The following MAD2L1 variants were observed in gnomAD, a reference collection of about 807,000 sequenced individuals.
The protein encoded by MAD2L1 is mitotic arrest deficient 2 like 1.
Under a neutral mutation model 25.9 loss-of-function variants are expected in MAD2L1, and 10 were observed. The observed-to-expected ratio is 0.39, with a 90% CI of 0.24 to 0.66. The LOEUF is 0.66. Ranked by LOEUF, MAD2L1 falls within the 30% of genes least tolerant of loss-of-function variation. The probability of loss-of-function intolerance (pLI) is 0.49; values close to 1 mark genes in which losing one functional copy is unlikely to be tolerated. For synonymous variants in MAD2L1, 81 were observed against 91.8 expected (o/e 0.88, Z 0.67); for missense variants, 180 against 246.4 (o/e 0.73, Z 1.80).
rs1457425124 is a variant in MAD2L1 at position 120,058,347 on chromosome 4, T to C, written c.*1771A>G. ...TACACACAACCTTTAAAAATGTGAT[T>C]TCAGCCGGGCGCAGTGGCTCACGCC... is the stretch of plus-strand genomic sequence containing the variant. On this transcript the variant is annotated 3_prime_UTR_variant, in exon 5 of 5. Transcript: ENST00000296509. The C allele has an allele frequency of 1.3e-5, 2 of 152,158 alleles. No individual in the cohort carries two copies. Among genetic ancestry groups the C allele is most frequent in the Admixed American group, 1.3e-4 (2 of 15,270 alleles). The allele number at this position is 152,158 out of a possible 1,614,324, so 9.4% of individuals were successfully genotyped here.
chr4:120,059,984 G>A lies in MAD2L1; in HGVS notation c.*134C>T, dbSNP rs1726182661. The stretch of plus-strand genomic sequence containing the variant: ...AAAATAAAAGGAACAATTACACACA[G>A]TTCAGTAAGTATCATTTTGGTTTTC... On this transcript the variant is annotated 3_prime_UTR_variant, in exon 5 of 5. Coordinates refer to ENST00000296509, the MANE Select transcript of MAD2L1 (RefSeq NM_002358.4). 1 of 709,502 alleles carries A rather than the reference G, an allele frequency of 1.4e-6. No individual in the cohort carries two copies. The highest frequency in any genetic ancestry group is 2.1e-5 in the South Asian group (1 of 47,726). The allele number at this position is 709,502 out of a possible 1,614,324, so 44.0% of individuals were successfully genotyped here.
intron 1 of MAD2L1, among the ~76,000 whole-genome samples, chr4:120,066,163 T>C (rs1726312246): frequency 6.6e-6 from 1 of 152,076 alleles, no homozygotes; most frequent in South Asian, 2.1e-4. Context: ...AGCAACTGAC[T>C]GAATAGTCAC....
chr4:120,060,368 A>G (rs1459488744), intron 4 of MAD2L1, 78 bp from the exon 5 acceptor site: 2 of 1,187,730 alleles, frequency 1.7e-6, no homozygotes, highest in Admixed American at 4.8e-5. Flanking sequence ...TTCTATTTTG[A>G]ACCACTCACT....
rs970277717 is a variant in MAD2L1, at chr4:120,059,315, T to C, written c.*803A>G. On this transcript the variant is annotated 3_prime_UTR_variant, in exon 5 of 5. Transcript: ENST00000296509. ...AAGACACCTCAAGACTCACTCAACTTTGGACCCTTAAGTTCTATAACTTCG... is the reference window on the plus strand; with the variant it reads ...AAGACACCTCAAGACTCACTCAACTCTGGACCCTTAAGTTCTATAACTTCG... 2.0e-5 allele frequency: 3 copies of C among 152,170 alleles called. No homozygotes were observed. Among genetic ancestry groups the C allele is most frequent in the African/African-American group, 7.2e-5 (3 of 41,448 alleles). 9.4% of individuals were successfully genotyped at this position (152,170 alleles called of 1,614,324 possible). A position where few individuals can be genotyped will look rare whatever the true frequency, so the allele number is the denominator to read the frequency against.
rs763573821 is a variant in MAD2L1 at position 120,056,438 on chromosome 4, G to A, written c.*3680C>T. ...TCTTAATTTGAATATTACAGCATTA[G>A]TGACATCTGGTGGAAAATATAAGAG... On this transcript the variant is annotated 3_prime_UTR_variant, in exon 5 of 5. Transcript: ENST00000296509. The A allele has an allele frequency of 1.4e-4, 22 of 152,138 alleles. No homozygotes were observed. Among genetic ancestry groups the A allele is most frequent in the African/African-American group, 4.6e-4 (19 of 41,424 alleles). 9.4% of individuals were successfully genotyped at this position (152,138 alleles called of 1,614,324 possible). A position where few individuals can be genotyped will look rare whatever the true frequency, so the allele number is the denominator to read the frequency against.
rs745994403 is a variant in MAD2L1, at chr4:120,065,761, G to A, written c.131C>T (p.Thr44Ile). Residue 44 changes from threonine to isoleucine, a missense_variant, in exon 2 of 5, where the codon ACT becomes ATT. Thr to Ile is a moderately conservative substitution (Grantham distance 89). Transcript: ENST00000296509. ...GGTGAGTCCGTATTTCTGCACTCGA[G>A]TAAAGGTTTCAGATGGATATATGCC... ...QRGIYPSETF[T>I]RVQKYGLTLL... is the part of the protein sequence containing the mutation. The A allele has an allele frequency of 3.1e-6, 5 of 1,613,956 alleles. No individual in the cohort carries two copies. The highest frequency in any genetic ancestry group is 4.2e-6 in the Non-Finnish European group (5 of 1,179,928).
At chr4:120,060,401 G>C (rs936978978) in intron 4 of MAD2L1, 111 bp from the exon 5 acceptor site, 14 of 752,562 alleles carry the variant, frequency 1.9e-5, no homozygotes, top group Middle Eastern at 7.8e-4. Flanking sequence ...CATTTGGCTT[G>C]GTCTCCAATC....
chr4:120,061,477 A>G (rs899110542), intron 3 of MAD2L1, among the ~76,000 whole-genome samples: 5 of 152,180 alleles, frequency 3.3e-5, no homozygotes, highest in Non-Finnish European at 4.4e-5. Flanking sequence ...ACATTTCACT[A>G]TAAGAAATGG....
intron 3 of MAD2L1, among the ~76,000 whole-genome samples, 163 bp downstream of exon 3, chr4:120,061,812 C>T (rs534979930): frequency 2.6e-5 from 4 of 151,888 alleles, no homozygotes; most frequent in Admixed American, 1.3e-4. Flanking sequence ...AAACTGAGCA[C>T]AATTCTTTTC....
chr4:120,065,203 T>C (rs930469235), intron 2 of MAD2L1, among the ~76,000 whole-genome samples: 65 of 152,358 alleles, frequency 4.3e-4, no homozygotes, highest in African/African-American at 1.1e-3. Flanking sequence ...TGTTATTTAG[T>C]AGCTAATCTT....
intron 2 of MAD2L1, among the ~76,000 whole-genome samples, chr4:120,063,768 T>C (rs1374490307): frequency 2.6e-5 from 4 of 152,080 alleles, no homozygotes; most frequent in African/African-American, 9.7e-5. Flanking sequence ...TCCCAGCACT[T>C]TGGGAGGCAG....
In MAD2L1 at chr4:120,059,987, CAGTA is replaced by C. The variant is rs1451648972; in HGVS notation, c.*127_*130del. Reference sequence around the variant, plus strand: ...ATAAAAGGAACAATTACACACAGTTCAGTAAGTATCATTTTGGTTTTCTCCATGT... The same window carrying C: ...ATAAAAGGAACAATTACACACAGTTCAGTATCATTTTGGTTTTCTCCATGT... On this transcript the variant is annotated 3_prime_UTR_variant, in exon 5 of 5. Coordinates refer to ENST00000296509, the MANE Select transcript of MAD2L1 (RefSeq NM_002358.4). 2.8e-6 allele frequency: 2 copies of C among 716,952 alleles called. No individual in the cohort carries two copies. Among genetic ancestry groups the C allele is most frequent in the Non-Finnish European group, 4.6e-6 (2 of 436,616 alleles). 44.4% of individuals were successfully genotyped at this position (716,952 alleles called of 1,614,324 possible). A position where few individuals can be genotyped will look rare whatever the true frequency, so the allele number is the denominator to read the frequency against.
At chr4:120,061,400 T>C (rs1362901599) in intron 3 of MAD2L1, among the ~76,000 whole-genome samples, 1 of 152,208 alleles carries the variant, frequency 6.6e-6, no homozygotes, top group Non-Finnish European at 1.5e-5. Flanking sequence ...AAACATTAAA[T>C]TGTATATCAA....
chr4:120,060,794 T>G (rs746142745), intron 4 of MAD2L1, 80 bp downstream of exon 4: 41 of 825,424 alleles, frequency 5.0e-5, no homozygotes, highest in Non-Finnish European at 7.3e-5. Context: ...AAGACAAAAT[T>G]TAATAAAGGG....
chr4:120,057,736 G>A lies in MAD2L1; in HGVS notation c.*2382C>T, dbSNP rs1051148645. On this transcript the variant is annotated 3_prime_UTR_variant, in exon 5 of 5. Transcript: ENST00000296509. ...TTTAAACATCATCCTCCTGAGGTAA[G>A]CCTCAAGGTCTAGAAAGAGGATGGG... The A allele has an allele frequency of 2.0e-5, 3 of 152,260 alleles. No homozygotes were observed. The highest frequency in any genetic ancestry group is 4.4e-5 in the Non-Finnish European group (3 of 68,082). The allele number at this position is 152,260 out of a possible 1,614,324, so 9.4% of individuals were successfully genotyped here.
At chr4:120,062,513 A>G (rs528046039) in intron 2 of MAD2L1, among the ~76,000 whole-genome samples, 1 of 152,324 alleles carries the variant, frequency 6.6e-6, no homozygotes, top group South Asian at 2.1e-4. Flanking sequence ...AGCTCTAGGG[A>G]TAAACAGCAT....
intron 3 of MAD2L1, 60 bp downstream of exon 3, chr4:120,061,915 A>G: frequency 7.6e-7 from 1 of 1,317,970 alleles, no homozygotes; most frequent in South Asian, 1.5e-5. Context: ...CTCAATTAGT[A>G]ATAAAAACAA....
At position 120,057,127 on chromosome 4, in the gene MAD2L1, CATTT is replaced by C. The variant is rs1320452018; in HGVS notation, c.*2987_*2990del. On this transcript the variant is annotated 3_prime_UTR_variant, in exon 5 of 5. Coordinates refer to ENST00000296509, the MANE Select transcript of MAD2L1 (RefSeq NM_002358.4). ...TTATTGGAACACACTCACGCTCATTCATTTATGTATTGTCTATAGCTGCTTTCAG... is the reference window on the plus strand; with the variant it reads ...TTATTGGAACACACTCACGCTCATTCATGTATTGTCTATAGCTGCTTTCAG... 1 of 152,218 alleles carries C rather than the reference CATTT, an allele frequency of 6.6e-6. No homozygotes were observed. The highest frequency in any genetic ancestry group is 1.5e-5 in the Non-Finnish European group (1 of 68,040). 9.4% of individuals were successfully genotyped at this position (152,218 alleles called of 1,614,324 possible).
chr4:120,062,525 A>G (rs548181691), intron 2 of MAD2L1, among the ~76,000 whole-genome samples: 6 of 152,360 alleles, frequency 3.9e-5, no homozygotes, highest in Admixed American at 2.0e-4. Flanking sequence ...AAACAGCATT[A>G]AATATGCAAA....
Sources: gnomAD v4.1 joint callset for allele counts (sites outside exome capture counted in the v4.1 genomes callset) on GRCh38, gnomAD v4.1.1 for gene constraint, MANE v1.5 for transcripts, NCBI Gene and HGNC (gene_info 2026-07-23, HGNC 2026-07-21) for gene names.